Variants in SORCS1 observed in about 807,000 individuals in gnomAD.
The protein encoded by SORCS1 is sortilin related VPS10 domain containing receptor 1.
In SORCS1, 60 loss-of-function variants were observed where a neutral mutation model predicts 146.1. That is an observed-to-expected ratio of 0.41 (90% CI 0.33 to 0.51). SORCS1 has a LOEUF of 0.51. Ranked by LOEUF, SORCS1 falls within the 20% of genes least tolerant of loss-of-function variation. The pLI is 0.21. For synonymous variants in SORCS1, 637 were observed against 584.0 expected, an observed-to-expected ratio of 1.09 and a Z score of -1.31; for missense variants, 1,352 against 1,487.6, an observed-to-expected ratio of 0.91 and a Z score of 1.50.
intron 3 of SORCS1, among the ~76,000 whole-genome samples, chr10:106,808,616 C>A (rs1947306201): frequency 6.6e-6 from 1 of 152,112 alleles, no homozygotes; most frequent in South Asian, 2.1e-4. Context: ...CATTCTCCTG[C>A]CTCAGCCTCC....
At chr10:106,829,775 T>G (rs1948460979) in intron 2 of SORCS1, 102 bp from the exon 3 acceptor site, 1 of 720,722 alleles carries the variant, frequency 1.4e-6, no homozygotes, top group Non-Finnish European at 2.4e-6. Flanking sequence ...CTCAGGAGGT[T>G]TCTCAATGAT....
chr10:106,646,619 C>T (rs1414034602), intron 18 of SORCS1, among the ~76,000 whole-genome samples: 3 of 152,080 alleles, frequency 2.0e-5, no homozygotes, highest in Non-Finnish European at 4.4e-5. Flanking sequence ...TCGCTTGACC[C>T]CAGGAGGCAG....
chr10:107,159,134 TC>T (rs1292811443), intron 1 of SORCS1, among the ~76,000 whole-genome samples: 1 of 152,130 alleles, frequency 6.6e-6, no homozygotes, highest in African/African-American at 2.4e-5. Flanking sequence ...CCTGCTGGGA[TC>T]TCACATTACT....
chr10:106,711,604 A>G (rs1220461572), intron 6 of SORCS1, among the ~76,000 whole-genome samples: 5 of 152,116 alleles, frequency 3.3e-5, no homozygotes, highest in Non-Finnish European at 7.4e-5. Context: ...CTTACACACC[A>G]TCTTCCTTCA....
At chr10:106,644,123 T>G (rs1168377346) in intron 18 of SORCS1, among the ~76,000 whole-genome samples, 3 of 152,154 alleles carry the variant, frequency 2.0e-5, no homozygotes, top group Non-Finnish European at 2.9e-5. Flanking sequence ...TACCTAGATA[T>G]AAAGTACTAT....
At chr10:106,837,111 T>C (rs1173670970) in intron 2 of SORCS1, among the ~76,000 whole-genome samples, 2 of 152,112 alleles carry the variant, frequency 1.3e-5, no homozygotes, top group Non-Finnish European at 2.9e-5. Flanking sequence ...TGGTCAGGAG[T>C]TCCTTCTTAG....
chr10:106,586,481 G>A (rs1229948932), intron 24 of SORCS1, among the ~76,000 whole-genome samples: 3 of 150,974 alleles, frequency 2.0e-5, no homozygotes, highest in Admixed American at 1.3e-4. Context: ...CTGCATTTCT[G>A]ACGCATGTTT....
At chr10:107,093,694 C>A (rs1964362443) in intron 1 of SORCS1, among the ~76,000 whole-genome samples, 2 of 134,030 alleles carry the variant, frequency 1.5e-5, no homozygotes, top group Non-Finnish European at 3.2e-5. Context: ...AAAAAAAAAA[C>A]TGAGTCTTTC....
intron 2 of SORCS1, among the ~76,000 whole-genome samples, chr10:106,830,761 T>A (rs1331658126): frequency 1.3e-5 from 2 of 152,078 alleles, no homozygotes; most frequent in South Asian, 4.1e-4. Context: ...CCTGGCCTGA[T>A]GGCACATGCC....
At chr10:107,003,807 T>C (rs1564913676) in intron 1 of SORCS1, among the ~76,000 whole-genome samples, 2 of 151,970 alleles carry the variant, frequency 1.3e-5, no homozygotes, top group African/African-American at 2.4e-5. Flanking sequence ...CCCTGAATAG[T>C]TGGGAAGAAG....
At chr10:106,662,947 A>G (rs931884133) in intron 17 of SORCS1, among the ~76,000 whole-genome samples, 3 of 152,314 alleles carry the variant, frequency 2.0e-5, no homozygotes, top group Non-Finnish European at 4.4e-5. Context: ...AGATGTGGCA[A>G]TGTCTGATAC....
intron 2 of SORCS1, among the ~76,000 whole-genome samples, chr10:106,859,779 C>G (rs1564744632): frequency 6.6e-6 from 1 of 152,164 alleles, no homozygotes; most frequent in East Asian, 1.9e-4. Context: ...ATTTGAATCT[C>G]TCCTTATTGG....
chr10:106,919,318 T>A (rs1353760458), intron 2 of SORCS1, among the ~76,000 whole-genome samples: 11 of 151,872 alleles, frequency 7.2e-5, no homozygotes, highest in Non-Finnish European at 1.3e-4. Context: ...CCATATGGGG[T>A]TTTTCCCCCT....
chr10:106,860,590 C>T (rs886164979), intron 2 of SORCS1, among the ~76,000 whole-genome samples: 3 of 152,116 alleles, frequency 2.0e-5, no homozygotes, highest in African/African-American at 7.2e-5. Flanking sequence ...ATCAGCTTGC[C>T]CAATGCCACA....
chr10:107,105,211 T>C (rs79138398), intron 1 of SORCS1, among the ~76,000 whole-genome samples: 1,550 of 152,280 alleles, frequency 0.01, 28 homozygotes, highest in African/African-American at 0.035. Context: ...TCCAATGAAC[T>C]GTCTGGAGGG....
intron 1 of SORCS1, among the ~76,000 whole-genome samples, chr10:107,137,261 C>T (rs1469308163): frequency 1.3e-5 from 2 of 152,126 alleles, no homozygotes; most frequent in Admixed American, 6.5e-5. Flanking sequence ...CAGAGCATTC[C>T]GAGGCCAACT....
chr10:106,802,719 G>A (rs576435776), intron 3 of SORCS1, among the ~76,000 whole-genome samples: 178 of 150,986 alleles, frequency 1.2e-3, no homozygotes, highest in Non-Finnish European at 2.2e-3. Context: ...GGCTGGTTTC[G>A]AACTCCTGAC....
At chr10:106,996,729 T>C (rs1957021432) in intron 1 of SORCS1, among the ~76,000 whole-genome samples, 1 of 152,228 alleles carries the variant, frequency 6.6e-6, no homozygotes, top group Admixed American at 6.5e-5. Context: ...TTCTGGATGA[T>C]ATGACCAGAG....
intron 4 of SORCS1, among the ~76,000 whole-genome samples, chr10:106,770,022 A>G (rs112003491): frequency 5.3e-5 from 8 of 152,220 alleles, no homozygotes; most frequent in African/African-American, 1.9e-4. Flanking sequence ...GAACCCAGGA[A>G]GCAGAGGTTG....
Sources: allele counts gnomAD v4.1 joint callset (sites outside exome capture counted in the v4.1 genomes callset), GRCh38; gene constraint gnomAD v4.1.1; transcripts MANE v1.5; gene names NCBI Gene and HGNC (gene_info 2026-07-23, HGNC 2026-07-21).